AAAS: variants seen among roughly 807,000 people sequenced by gnomAD.
AAAS encodes aladin.
Under a neutral mutation model 75.6 loss-of-function variants are expected in AAAS, and 60 were observed. The ratio of observed to expected loss-of-function variants is 0.79; its 90% CI spans 0.64 to 0.98. AAAS has a LOEUF of 0.98. Ranked by LOEUF, AAAS falls within the 50% of genes least tolerant of loss-of-function variation. The pLI is 0.00. For synonymous variants in AAAS, 271 were observed against 265.0 expected, an observed-to-expected ratio of 1.02 and a Z score of -0.22; for missense variants, 658 against 686.9, an observed-to-expected ratio of 0.96 and a Z score of 0.47.
At chr12:53,315,514 A>C (rs757470523) in intron 3 of AAAS, 88 bp from the exon 4 acceptor site, 3 of 1,305,658 alleles carry the variant, frequency 2.3e-6, no homozygotes, top group Non-Finnish European at 2.2e-6. Flanking sequence ...AAGGACAGGC[A>C]CTCCCCAGGT....
chr12:53,308,156 TA>T, intron 13 of AAAS, 23 bp from the exon 14 acceptor site: 1 of 1,613,474 alleles, frequency 6.2e-7, no homozygotes, highest in Non-Finnish European at 8.5e-7. Context: ...GATCCAGGGA[TA>T]GGGGAGGAAC....
At chr12:53,310,501 A>G (rs564574041) in intron 7 of AAAS, among the ~76,000 whole-genome samples, 1 of 151,518 alleles carries the variant, frequency 6.6e-6, no homozygotes, top group South Asian at 2.1e-4. Flanking sequence ...CGGAGGTTGC[A>G]GTGAGCCGAG....
intron 15 of AAAS, 54 bp downstream of exon 15, chr12:53,307,791 G>A (rs1005325746): frequency 3.7e-6 from 6 of 1,612,348 alleles, no homozygotes; most frequent in Non-Finnish European, 5.1e-6. Context: ...AGCAGCCAAG[G>A]CCCTCAGCTT....
intron 1 of AAAS, 182 bp from the exon 2 acceptor site, chr12:53,320,874 T>A: frequency 2.9e-6 from 2 of 678,154 alleles, no homozygotes; most frequent in Non-Finnish European, 5.0e-6. Flanking sequence ...TCTGTGCAAC[T>A]AGAATAATAT....
At chr12:53,313,754 G>A (rs1228229119) in intron 7 of AAAS, among the ~76,000 whole-genome samples, 2 of 150,974 alleles carry the variant, frequency 1.3e-5, no homozygotes, top group African/African-American at 2.4e-5. Context: ...GACTACAGGT[G>A]TGTACCACCA....
At position 53,312,806 on chromosome 12, in the gene AAAS, TATATATGTGTATATATATAAAAC is replaced by T. The variant is rs1436245321; in HGVS notation, c.689+1469_689+1491del. 4.7e-5 allele frequency among the ~76,000 whole-genome samples: 7 copies of T among 149,108 alleles called. No homozygotes were observed. In the South Asian group the frequency reaches 1.0e-3, roughly 22 times the overall value. On this transcript the variant is annotated intron_variant, in intron 7 of 15. Coordinates refer to ENST00000209873, the MANE Select transcript of AAAS (RefSeq NM_015665.6). ...ACACGTATATATATATATACGTGTA[TATATATGTGTATATATATAAAAC>T]ATATATGTGTGTGTGTGTGTATATA... is the stretch of plus-strand genomic sequence containing the variant.
At position 53,315,440 on chromosome 12, in the gene AAAS, G is replaced by C; in HGVS notation, c.308-14C>G. ...CCCACTCAAACACTGTAGGGTTGAG[G>C]AAGCAGCTCTGATTAAACCATTCAC... On this transcript the variant is annotated splice_polypyrimidine_tract_variant and intron_variant, in intron 3 of 15. Transcript: ENST00000209873. 6.2e-7 allele frequency: 1 copy of C among 1,608,738 alleles called. No individual in the cohort carries two copies. The highest frequency in any genetic ancestry group is 1.1e-5 in the South Asian group (1 of 90,598).
intron 7 of AAAS, among the ~76,000 whole-genome samples, chr12:53,311,902 G>A (rs1944395035): frequency 6.6e-6 from 1 of 151,692 alleles, no homozygotes; most frequent in African/African-American, 2.4e-5. Context: ...GGGCGACAGA[G>A]TGAGATTCCA....
intron 9 of AAAS, 32 bp from the exon 10 acceptor site, chr12:53,309,052 G>A (rs763230323): frequency 3.1e-5 from 50 of 1,614,162 alleles, no homozygotes; most frequent in South Asian, 8.8e-5. Flanking sequence ...TACAGCTCAG[G>A]ACCTCTAAGT....
At chr12:53,319,592 G>A (rs1353513980) in intron 2 of AAAS, among the ~76,000 whole-genome samples, 1 of 90,004 alleles carries the variant, frequency 1.1e-5, no homozygotes, top group Non-Finnish European at 2.5e-5. Flanking sequence ...CAGGCCTGAG[G>A]TCAGGAGGCC....
Position 53,321,581 on chromosome 12 carries a change from A to C in AAAS, c.-116T>G. 1 of 1,562,026 alleles carries C rather than the reference A, an allele frequency of 6.4e-7. No individual in the cohort carries two copies. The highest frequency in any genetic ancestry group is 8.7e-7 in the Non-Finnish European group (1 of 1,145,206). ...CGTATGCGGACGGGTACCGCAAGGG[A>C]CAAACGGCGAGGCGGAACTCAACGG... is the stretch of plus-strand genomic sequence containing the variant. On this transcript the variant is annotated 5_prime_UTR_variant, in exon 1 of 16. Transcript: ENST00000209873.
intron 4 of AAAS, 67 bp from the exon 5 acceptor site, chr12:53,315,207 A>G (rs1364047918): frequency 6.9e-6 from 11 of 1,601,738 alleles, no homozygotes; most frequent in South Asian, 3.3e-5. Context: ...ATATTCCAAC[A>G]GGGGAGCTGG....
At chr12:53,308,636 A>G in intron 11 of AAAS, 89 bp downstream of exon 11, 1 of 1,596,602 alleles carries the variant, frequency 6.3e-7, no homozygotes, top group Non-Finnish European at 8.6e-7. Context: ...AAGCTTCTAT[A>G]TTTCCCTTTA....
chr12:53,312,827 A>AT, intron 7 of AAAS, among the ~76,000 whole-genome samples: 1 of 144,628 alleles, frequency 6.9e-6, no homozygotes, highest in Admixed American at 6.9e-5. Context: ...ATATATATAA[A>AT]ACATATATGT....
chr12:53,314,847 G>T lies in AAAS; in HGVS notation c.449C>A (p.Ser150Tyr). ...IAEFAQVTNW[S>Y]SCCLRVFAWH... ...TGCAAAGACACGCAAGCAGCAGCTG[G>T]ACCTAAGGAAGGGGTTAACATGAAG... Residue 150 changes from serine to tyrosine, a missense_variant and splice_region_variant, in exon 6 of 16, where the codon TCC (serine) becomes TAC (tyrosine). By Grantham distance (144) the Ser-to-Tyr change is moderately radical. Transcript: ENST00000209873. 4 of 1,613,280 alleles carry T rather than the reference G, an allele frequency of 2.5e-6. No homozygotes were observed. The highest frequency in any genetic ancestry group is 1.1e-5 in the South Asian group (1 of 90,828).
intron 2 of AAAS, among the ~76,000 whole-genome samples, chr12:53,316,586 G>A (rs927946652): frequency 6.6e-6 from 1 of 150,722 alleles, no homozygotes; most frequent in Non-Finnish European, 1.5e-5. Flanking sequence ...GGCCAACATG[G>A]TGAAACATGT....
intron 6 of AAAS, 138 bp downstream of exon 6, chr12:53,314,613 T>G: frequency 7.6e-7 from 1 of 1,309,712 alleles, no homozygotes; most frequent in Non-Finnish European, 1.1e-6. Context: ...ACGCATCCAG[T>G]TATGGAGCTT....
In AAAS at chr12:53,307,649, A is replaced by G. The variant is rs1399342717; in HGVS notation, c.1481T>C (p.Phe494Ser). The part of the protein sequence containing the change: ...LYFVNAQFPR[F>S]SPVLGRAQEP... ...CTGGGCCCGCCCAAGCACTGGGCTA[A>G]AACGTGGAAACTGGGCATTGACAAA... The change falls in exon 16 of 16, where the codon TTT becomes TCT. Residue 494 changes from phenylalanine to serine, a missense_variant. Physicochemically the swap from Phe to Ser is radical, Grantham distance 155. Transcript: ENST00000209873. 1.2e-6 allele frequency: 2 copies of G among 1,614,080 alleles called. No individual in the cohort carries two copies. Among genetic ancestry groups the G allele is most frequent in the Non-Finnish European group, 1.7e-6 (2 of 1,180,042 alleles).
At chr12:53,314,969 G>C in intron 5 of AAAS, 120 bp from the exon 6 acceptor site, 3 of 1,472,304 alleles carry the variant, frequency 2.0e-6, no homozygotes, top group Non-Finnish European at 1.9e-6. Context: ...CTTTTTTGGG[G>C]GAACAGGAGG....
Sources: allele counts gnomAD v4.1 joint callset (sites outside exome capture counted in the v4.1 genomes callset), GRCh38; gene constraint gnomAD v4.1.1; transcripts MANE v1.5; gene names NCBI Gene and HGNC (gene_info 2026-07-23, HGNC 2026-07-21).